Variants in DLGAP5 observed in about 807,000 individuals in gnomAD.
DLGAP5 encodes the protein disks large-associated protein 5.
DLGAP5 carries 90 observed loss-of-function variants against 99.6 expected under a neutral mutation model. The observed-to-expected ratio is 0.90, with a 90% CI of 0.76 to 1.08. DLGAP5 has a LOEUF of 1.08. Ranked by LOEUF, DLGAP5 falls within the 50% of genes least tolerant of loss-of-function variation. DLGAP5 has a pLI of 0.00. For synonymous variants in DLGAP5, 311 were observed against 321.3 expected, an observed-to-expected ratio of 0.97 and a Z score of 0.34; for missense variants, 1,036 against 983.5, an observed-to-expected ratio of 1.05 and a Z score of -0.71.
intron 7 of DLGAP5, among the ~76,000 whole-genome samples, chr14:55,179,274 G>T (rs538854940): frequency 6.6e-6 from 1 of 152,244 alleles, no homozygotes; most frequent in African/African-American, 2.4e-5. Flanking sequence ...CAACTAATTG[G>T]AAGCAGAGAG....
At chr14:55,185,319 C>T (rs931873403) in intron 2 of DLGAP5, among the ~76,000 whole-genome samples, 6 of 152,244 alleles carry the variant, frequency 3.9e-5, no homozygotes, top group Admixed American at 6.5e-5. Context: ...ACTGCCTCAG[C>T]CTCCCGAGTA....
chr14:55,169,875 C>T (rs1882793854), intron 11 of DLGAP5, among the ~76,000 whole-genome samples: 1 of 135,176 alleles, frequency 7.4e-6, no homozygotes, highest in African/African-American at 2.5e-5. Flanking sequence ...TGGCTCATGC[C>T]TACAATCCCA....
chr14:55,162,933 A>T (rs766331356), intron 13 of DLGAP5, 38 bp downstream of exon 13: 5 of 368,492 alleles, frequency 1.4e-5, no homozygotes, highest in African/African-American at 2.2e-5. Flanking sequence ...TTCCTTAACT[A>T]AAAAAAAAAA....
At chr14:55,171,418 A>C (rs1402828402) in intron 10 of DLGAP5, among the ~76,000 whole-genome samples, 1 of 152,200 alleles carries the variant, frequency 6.6e-6, no homozygotes, top group African/African-American at 2.4e-5. Context: ...AATGTCAATA[A>C]TGCTAAGATT....
chr14:55,177,142 A>G lies in DLGAP5; in HGVS notation c.969T>C (p.Tyr323=), dbSNP rs1168931556. 1 of 1,600,884 alleles carries G rather than the reference A, an allele frequency of 6.2e-7. No homozygotes were observed. Among genetic ancestry groups the G allele is most frequent in the East Asian group, 2.2e-5 (1 of 44,570 alleles). Residue 323 remains tyrosine, a synonymous_variant, in exon 8 of 19, where the codon TAT becomes TAC. Coordinates refer to ENST00000247191, the MANE Select transcript of DLGAP5 (RefSeq NM_014750.5). The stretch of plus-strand genomic sequence containing the variant: ...TTCTGGGAGTCATAGGTGTTACTTG[A>G]TAGGTCTTCAGACCATCCAGTGGCT... The part of the protein sequence containing the change: ...MFQPLDGLKT[Y]QVTPMTPRSA...
At position 55,172,290 on chromosome 14, in the gene DLGAP5, C is replaced by T. The variant is rs376522635; in HGVS notation, c.1302-1503G>A. ...ATCACTTGAGCCTAGGAGTTCCAGA[C>T]CAGCCTGGGAAACATGGCGAAAACC... is the stretch of plus-strand genomic sequence containing the variant. On this transcript the variant is annotated intron_variant, in intron 10 of 18. Transcript: ENST00000247191. Among the ~76,000 whole-genome samples, 27 of 148,248 alleles carry T rather than the reference C, an allele frequency of 1.8e-4. No individual in the cohort carries two copies. In the East Asian group the frequency reaches 5.0e-3, roughly 27 times the overall value.
chr14:55,162,127 TAG>T (rs1882466486), intron 13 of DLGAP5, among the ~76,000 whole-genome samples: 1 of 152,006 alleles, frequency 6.6e-6, no homozygotes, highest in South Asian at 2.1e-4. Context: ...AAAACATTAC[TAG>T]AAAGATAATT....
chr14:55,179,128 AAGAC>A (rs1388944458), intron 7 of DLGAP5, among the ~76,000 whole-genome samples: 1 of 152,330 alleles, frequency 6.6e-6, no homozygotes, highest in Non-Finnish European at 1.5e-5. Context: ...ATCTTTTTTG[AAGAC>A]CTTATTAGAA....
rs1883022803 is a variant in DLGAP5 at position 55,175,367 on chromosome 14, T to A, written c.1280A>T (p.His427Leu). The A allele has an allele frequency of 6.2e-7, 1 of 1,610,448 alleles. No homozygotes were observed. Residue 427 changes from histidine to leucine, a missense_variant, in exon 10 of 19, where the codon CAC becomes CTC. Physicochemically the swap from His to Leu is moderately conservative, Grantham distance 99. Transcript: ENST00000247191. Reference protein sequence around the residue: ...ERNEGRIAQPHHGVPYFRNIL... With the variant: ...ERNEGRIAQPLHGVPYFRNIL... ...ATACCTGAAATATGGCACACCATGGTGGGGCTGAGCAATTCGACCTTCATT... is the reference window on the plus strand; with the variant it reads ...ATACCTGAAATATGGCACACCATGGAGGGGCTGAGCAATTCGACCTTCATT...
intron 13 of DLGAP5, among the ~76,000 whole-genome samples, chr14:55,160,389 T>C (rs1456647535): frequency 2.7e-5 from 4 of 145,796 alleles, no homozygotes; most frequent in Admixed American, 1.4e-4. Flanking sequence ...AGCAAGACTC[T>C]ATATAAAAAA....
At chr14:55,153,925 G>A (rs1006211715) in intron 15 of DLGAP5, among the ~76,000 whole-genome samples, 1 of 151,820 alleles carries the variant, frequency 6.6e-6, no homozygotes, top group Non-Finnish European at 1.5e-5. Context: ...GCGTGGTGGC[G>A]CGTGTCTGTA....
intron 3 of DLGAP5, among the ~76,000 whole-genome samples, chr14:55,182,675 A>C (rs2139528312): frequency 6.6e-6 from 1 of 152,280 alleles, no homozygotes; most frequent in African/African-American, 2.4e-5. Context: ...AGGTATTGGA[A>C]TCATCATTAA....
At chr14:55,181,714 G>A (rs1461904102) in intron 4 of DLGAP5, among the ~76,000 whole-genome samples, 1 of 152,104 alleles carries the variant, frequency 6.6e-6, no homozygotes, top group Admixed American at 6.6e-5. Flanking sequence ...ATCTCAGGGA[G>A]GCCTTCCTTA....
chr14:55,182,489 C>A, intron 3 of DLGAP5, 57 bp from the exon 4 acceptor site: 1 of 1,415,540 alleles, frequency 7.1e-7, no homozygotes, highest in Non-Finnish European at 9.7e-7. Context: ...GGTTTACTTC[C>A]ATATCTTATT....
intron 7 of DLGAP5, among the ~76,000 whole-genome samples, chr14:55,178,027 C>T (rs10147427): frequency 2.7e-5 from 4 of 148,750 alleles, no homozygotes; most frequent in East Asian, 2.0e-4. Flanking sequence ...CTGAGGCGGG[C>T]GGATCACAAG....
chr14:55,176,969 T>A (rs1206603964), intron 8 of DLGAP5, 93 bp downstream of exon 8: 5 of 977,372 alleles, frequency 5.1e-6, no homozygotes, highest in Non-Finnish European at 6.4e-6. Context: ...CAGAGCGAAC[T>A]CCGTCTGAAA....
chr14:55,166,809 T>C (rs10140881), intron 12 of DLGAP5, among the ~76,000 whole-genome samples: 25,015 of 151,778 alleles, frequency 0.16, 3,003 homozygotes, highest in African/African-American at 0.34. Flanking sequence ...CTAAAAATGA[T>C]TGAACTGTAC....
intron 7 of DLGAP5, among the ~76,000 whole-genome samples, chr14:55,178,809 G>T (rs1250672887): frequency 6.6e-6 from 1 of 152,204 alleles, no homozygotes; most frequent in African/African-American, 2.4e-5. Flanking sequence ...CACTTTGGGA[G>T]GCCGAAGTAG....
intron 12 of DLGAP5, among the ~76,000 whole-genome samples, chr14:55,165,603 C>T (rs1882613128): frequency 6.6e-6 from 1 of 152,094 alleles, no homozygotes; most frequent in Non-Finnish European, 1.5e-5. Context: ...CAACAATTCC[C>T]CCTTATCTTC....
Sources: gnomAD v4.1 joint callset for allele counts (sites outside exome capture counted in the v4.1 genomes callset) on GRCh38, gnomAD v4.1.1 for gene constraint, MANE v1.5 for transcripts, NCBI Gene and HGNC (gene_info 2026-07-23, HGNC 2026-07-21) for gene names.